Variants in MATN2 observed in about 807,000 individuals in gnomAD.
MATN2 encodes the protein matrilin 2.
In MATN2, 69 loss-of-function variants were observed where a neutral mutation model predicts 103.2. That is an observed-to-expected ratio of 0.67 (90% CI 0.55 to 0.82). MATN2 has a LOEUF of 0.82. Ranked by LOEUF, MATN2 falls within the 40% of genes least tolerant of loss-of-function variation. MATN2 has a pLI of 0.00. For synonymous variants in MATN2, 429 were observed against 450.2 expected (o/e 0.95, Z 0.60); for missense variants, 1,023 against 1,211.5 (o/e 0.84, Z 2.31).
At chr8:98,011,954 C>T (rs916509523) in intron 10 of MATN2, among the ~76,000 whole-genome samples, 1 of 152,192 alleles carries the variant, frequency 6.6e-6, no homozygotes, top group African/African-American at 2.4e-5. Flanking sequence ...CTGCAGAATC[C>T]ATTCACGATG....
At position 98,005,873 on chromosome 8, in the gene MATN2, C is replaced by T. The variant is rs1812949921; in HGVS notation, c.1328-1232C>T. Among the ~76,000 whole-genome samples, 1 of 152,186 alleles carries T rather than the reference C, an allele frequency of 6.6e-6. No homozygotes were observed. ...GTCCTGTGATTAACAAATGGCAACA[C>T]TAGGATGTGAACACAGGCATGTAGC... On this transcript the variant is annotated intron_variant, in intron 8 of 18. Coordinates refer to ENST00000254898, the MANE Select transcript of MATN2 (RefSeq NM_002380.5). This position sits in a 1 kb window ranked among gnomAD's most constrained non-coding sequence, Gnocchi z 4.6.
chr8:97,970,790 A>C (rs774706717), intron 5 of MATN2, among the ~76,000 whole-genome samples: 3 of 151,752 alleles, frequency 2.0e-5, no homozygotes, highest in Non-Finnish European at 2.9e-5. Context: ...CTCTACAAAG[A>C]ATAAAAAAAA....
chr8:97,930,530 T>C (rs1000621874), intron 2 of MATN2: 1 of 158,794 alleles, frequency 6.3e-6, no homozygotes, highest in Non-Finnish European at 1.4e-5. Context: ...GGAGGAAAAT[T>C]GATGAAGGAG....
At chr8:98,034,155 C>CT (rs368572002) in intron 18 of MATN2, 48,314 of 454,314 alleles carry the variant, frequency 0.11, 2,985 homozygotes, top group East Asian at 0.2. Flanking sequence ...GTGGTTTTTT[C>CT]TTTTTTTTCC....
intron 10 of MATN2, among the ~76,000 whole-genome samples, chr8:98,011,831 G>A (rs964405413): frequency 6.6e-6 from 1 of 152,180 alleles, no homozygotes; most frequent in Admixed American, 6.5e-5. Flanking sequence ...TTGCCCCACT[G>A]TTGCTGCGCC....
At position 97,979,005 on chromosome 8, in the gene MATN2, A is replaced by T; in HGVS notation, c.1078A>T (p.Thr360Ser). The T allele has an allele frequency of 6.2e-7, 1 of 1,610,892 alleles. No homozygotes were observed. Among genetic ancestry groups the T allele is most frequent in the Non-Finnish European group, 8.5e-7 (1 of 1,178,510 alleles). ...TCTTAACCCAGATAAAAAAACGTGC[A>T]CAAGTAAGTTACACACACATGCACA... ...FALNPDKKTC[T>S]KIDYCASSNH... The change falls in exon 6 of 19, where the codon ACA (threonine) becomes TCA (serine). Residue 360 changes from threonine (T) to serine (S), a missense_variant. Physicochemically the swap from Thr to Ser is moderately conservative, Grantham distance 58. Coordinates refer to ENST00000254898, the MANE Select transcript of MATN2 (RefSeq NM_002380.5).
chr8:97,899,116 C>T (rs1818905576), intron 2 of MATN2, among the ~76,000 whole-genome samples: 1 of 152,050 alleles, frequency 6.6e-6, no homozygotes, highest in South Asian at 2.1e-4. Flanking sequence ...TTGGACTCAT[C>T]TTTCAGGTCT....
At chr8:97,986,841 AT>A (rs950600597) in intron 6 of MATN2, among the ~76,000 whole-genome samples, 4 of 150,714 alleles carry the variant, frequency 2.7e-5, no homozygotes, top group Non-Finnish European at 3.0e-5. Context: ...ACTTTTAGTT[AT>A]TTTTTTTTGA....
At chr8:97,957,487 G>C (rs553048689) in intron 4 of MATN2, among the ~76,000 whole-genome samples, 11 of 152,258 alleles carry the variant, frequency 7.2e-5, no homozygotes, top group Admixed American at 5.2e-4. Context: ...CAAATCGCTC[G>C]TGGCCATAAA....
At chr8:97,979,462 A>G (rs1811950658) in intron 6 of MATN2, among the ~76,000 whole-genome samples, 1 of 152,262 alleles carries the variant, frequency 6.6e-6, no homozygotes, top group Admixed American at 6.5e-5. Context: ...AGAACTGCTC[A>G]TGTTTTGTTT....
chr8:98,035,553 A>G (rs1017830257), intron 18 of MATN2, 104 bp from the exon 19 acceptor site: 10 of 649,576 alleles, frequency 1.5e-5, no homozygotes, highest in Non-Finnish European at 2.4e-5. Context: ...AAAAACCAAA[A>G]CCTTTTAGAT....
chr8:97,940,756 T>C lies in MATN2; in HGVS notation c.713-1021T>C, dbSNP rs1269357433. 5.9e-5 allele frequency among the ~76,000 whole-genome samples: 9 copies of C among 152,206 alleles called. No individual in the cohort carries two copies. The East Asian group carries it at 1.7e-3, about 29-fold the overall frequency. On this transcript the variant is annotated intron_variant, in intron 3 of 18. Coordinates refer to ENST00000254898, the MANE Select transcript of MATN2 (RefSeq NM_002380.5). ...CTTGTTAATTTTAAATACAATCAAGTTACATTGAGTAAAGTCATAAATTAG... is the reference window on the plus strand; with the variant it reads ...CTTGTTAATTTTAAATACAATCAAGCTACATTGAGTAAAGTCATAAATTAG...
intron 10 of MATN2, among the ~76,000 whole-genome samples, chr8:98,008,355 T>G (rs143440098): frequency 6.6e-6 from 1 of 152,306 alleles, no homozygotes; most frequent in East Asian, 1.9e-4. Context: ...ATGGTCATTT[T>G]GAGAGAAGGA....
At position 97,974,234 on chromosome 8, in the gene MATN2, G is replaced by A. The variant is rs572434433; in HGVS notation, c.959-4652G>A. On this transcript the variant is annotated intron_variant, in intron 5 of 18. Coordinates refer to ENST00000254898, the MANE Select transcript of MATN2 (RefSeq NM_002380.5). ...GCTCACTGCAACCTCCACCTCCTGG[G>A]CTCAAGCAATCCTCCCACCTCAGCC... Among the ~76,000 whole-genome samples the A allele has an allele frequency of 1.7e-3, 247 of 146,342 alleles. 2 individuals are homozygous for A. The highest frequency in any genetic ancestry group is 5.8e-3 in the African/African-American group (229 of 39,596).
intron 1 of MATN2, among the ~76,000 whole-genome samples, chr8:97,870,744 C>T (rs184381502): frequency 3.0e-4 from 45 of 152,254 alleles, no homozygotes; most frequent in Admixed American, 2.4e-3. Flanking sequence ...GGAGTCCACA[C>T]GGGCGCAGTT....
At chr8:97,890,426 C>T (rs561980627) in intron 2 of MATN2, among the ~76,000 whole-genome samples, 1 of 149,396 alleles carries the variant, frequency 6.7e-6, no homozygotes, top group Admixed American at 6.7e-5. Flanking sequence ...GATCGTGCCA[C>T]TGCACTCTAG....
At chr8:98,035,329 C>G (rs1814198767) in intron 18 of MATN2, among the ~76,000 whole-genome samples, 1 of 151,712 alleles carries the variant, frequency 6.6e-6, no homozygotes, top group African/African-American at 2.4e-5. Context: ...TGCACTCCAA[C>G]CTGGGCAACA....
intron 2 of MATN2, among the ~76,000 whole-genome samples, chr8:97,907,383 C>A (rs1819212392): frequency 6.7e-6 from 1 of 149,664 alleles, no homozygotes; most frequent in Admixed American, 6.7e-5. Context: ...GCAATCTTGG[C>A]TCACTGCAAG....
At chr8:97,895,466 G>A (rs1197405942) in intron 2 of MATN2, among the ~76,000 whole-genome samples, 5 of 152,066 alleles carry the variant, frequency 3.3e-5, no homozygotes, top group African/African-American at 1.2e-4. Flanking sequence ...TCTCATCCAG[G>A]GCCAGGTCAA....
Sources: gnomAD v4.1 joint callset for allele counts (sites outside exome capture counted in the v4.1 genomes callset) on GRCh38, gnomAD v4.1.1 for gene constraint, Gnocchi (gnomAD v3.1) non-coding constraint, MANE v1.5 for transcripts, NCBI Gene and HGNC (gene_info 2026-07-23, HGNC 2026-07-21) for gene names.